INPP5A: variants seen among roughly 807,000 people sequenced by gnomAD.
The protein encoded by INPP5A is inositol polyphosphate-5-phosphatase A.
A neutral mutation model predicts 65.2 loss-of-function variants in INPP5A; 14 were observed. That is an observed-to-expected ratio of 0.21 (90% CI 0.14 to 0.34). INPP5A has a LOEUF of 0.34. Ranked by LOEUF, INPP5A falls within the 10% of genes least tolerant of loss-of-function variation. The probability of loss-of-function intolerance (pLI) is 1.00; values close to 1 mark genes in which losing one functional copy is unlikely to be tolerated. For synonymous variants in INPP5A, 207 were observed against 208.3 expected, an observed-to-expected ratio of 0.99 and a Z score of 0.05; for missense variants, 431 against 545.6, an observed-to-expected ratio of 0.79 and a Z score of 2.09.
intron 1 of INPP5A, among the ~76,000 whole-genome samples, chr10:132,571,751 A>G (rs533962411): frequency 8.5e-5 from 13 of 152,280 alleles, no homozygotes; most frequent in Non-Finnish European, 1.2e-4. Flanking sequence ...TATCATCTCC[A>G]CAGCCCTGAT....
At chr10:132,756,300 G>A (rs1846612646) in intron 11 of INPP5A, among the ~76,000 whole-genome samples, 2 of 152,126 alleles carry the variant, frequency 1.3e-5, no homozygotes, top group South Asian at 4.1e-4. Flanking sequence ...GCACTAGTGT[G>A]TGTGGTGTAT....
At position 132,650,295 on chromosome 10, in the gene INPP5A, C is replaced by G. The variant is rs559284234; in HGVS notation, c.219-123C>G. 1.6e-5 allele frequency: 11 copies of G among 688,908 alleles called. No individual in the cohort carries two copies. Among genetic ancestry groups the G allele is most frequent in the Non-Finnish European group, 7.9e-6 (3 of 379,934 alleles). 42.7% of individuals were successfully genotyped at this position (688,908 alleles called of 1,614,324 possible). On this transcript the variant is annotated intron_variant, in intron 3 of 15. Transcript: ENST00000368594. This position sits in a 1 kb window ranked among gnomAD's most constrained non-coding sequence, Gnocchi z 5.5. Reference sequence around the variant, plus strand: ...GCCATTCCCTGCCCTCTGCCTGTCACGGGTGGATGGTCTCACGGTGATGTA... The same window carrying G: ...GCCATTCCCTGCCCTCTGCCTGTCAGGGGTGGATGGTCTCACGGTGATGTA...
chr10:132,700,837 C>T (rs1029498305), intron 6 of INPP5A, among the ~76,000 whole-genome samples: 3 of 152,240 alleles, frequency 2.0e-5, no homozygotes, highest in African/African-American at 7.2e-5. Flanking sequence ...ACTAACAAAA[C>T]TTTCTCTGCT....
chr10:132,745,588 G>GGGTGGCACTGGCCCCAGCCCGGGCCTCA (rs1357376504), intron 9 of INPP5A, among the ~76,000 whole-genome samples: 9 of 152,212 alleles, frequency 5.9e-5, no homozygotes, highest in Non-Finnish European at 1.3e-4. Context: ...CCCGGGCCTC[G>GGGTGGCACTGGCCCCAGCCCGGGCCTCA]GGTGTGGTGG....
At chr10:132,664,478 C>A (rs1420367408) in intron 4 of INPP5A, among the ~76,000 whole-genome samples, 1 of 152,246 alleles carries the variant, frequency 6.6e-6, no homozygotes, top group Non-Finnish European at 1.5e-5. Flanking sequence ...GGCTTCACTA[C>A]CTGATGTCCC....
chr10:132,678,184 G>A lies in INPP5A; in HGVS notation c.307-12208G>A, dbSNP rs1368678317. Among the ~76,000 whole-genome samples the A allele has an allele frequency of 2.0e-5, 3 of 152,156 alleles. No individual in the cohort carries two copies. The highest frequency in any genetic ancestry group is 2.1e-4 in the South Asian group (1 of 4,822). On this transcript the variant is annotated intron_variant, in intron 4 of 15. Transcript: ENST00000368594. The surrounding 1 kb of genome is among the most constrained non-coding windows in gnomAD (Gnocchi z 4.1). Reference sequence around the variant, plus strand: ...TCACGGAGCTCCTCTGAGAGCGGACGGTCACAGCCCCCCGTATGCTGCCTG... The same window carrying A: ...TCACGGAGCTCCTCTGAGAGCGGACAGTCACAGCCCCCCGTATGCTGCCTG...
chr10:132,767,676 G>A (rs1360612302), intron 12 of INPP5A, among the ~76,000 whole-genome samples: 1 of 152,180 alleles, frequency 6.6e-6, no homozygotes, highest in East Asian at 1.9e-4. Context: ...GGCCCCCAGA[G>A]AGCCCCTCGC....
At chr10:132,708,624 G>A (rs964149705) in intron 7 of INPP5A, 45 of 576,750 alleles carry the variant, frequency 7.8e-5, no homozygotes, top group Non-Finnish European at 1.1e-4. Context: ...GTCCCTCCCC[G>A]CAGCTGGAGA....
At chr10:132,739,167 G>A (rs1394191918) in intron 9 of INPP5A, among the ~76,000 whole-genome samples, 4 of 152,278 alleles carry the variant, frequency 2.6e-5, no homozygotes, top group East Asian at 1.9e-4. Context: ...CTCTGTGTTC[G>A]GTGCCCACTC....
intron 8 of INPP5A, among the ~76,000 whole-genome samples, chr10:132,719,337 T>C: frequency 6.7e-6 from 1 of 150,266 alleles, no homozygotes. Flanking sequence ...CAGGGTTCTG[T>C]GGTACCTGGG....
At chr10:132,739,291 T>G (rs1846232276) in intron 9 of INPP5A, among the ~76,000 whole-genome samples, 1 of 152,246 alleles carries the variant, frequency 6.6e-6, no homozygotes, top group Non-Finnish European at 1.5e-5. Context: ...CCTTGGTGCC[T>G]GCCACCCTGG....
In INPP5A at chr10:132,707,515, C is replaced by A. The variant is rs192751985; in HGVS notation, c.475-798C>A. On this transcript the variant is annotated intron_variant, in intron 6 of 15. Coordinates refer to ENST00000368594, the MANE Select transcript of INPP5A (RefSeq NM_005539.5). This position sits in a 1 kb window ranked among gnomAD's most constrained non-coding sequence, Gnocchi z 5.5. ...ATAAAATGGAATCTAAAATTCAGTT[C>A]TTCAGTCATACACTTTGCACGCTCG... 3.3e-3 allele frequency among the ~76,000 whole-genome samples: 505 copies of A among 152,316 alleles called. 2 individuals carry two copies. The highest frequency in any genetic ancestry group is 0.011 in the African/African-American group (476 of 41,562).
intron 12 of INPP5A, among the ~76,000 whole-genome samples, chr10:132,767,673 A>G (rs1003095016): frequency 6.6e-6 from 1 of 152,152 alleles, no homozygotes; most frequent in Non-Finnish European, 1.5e-5. Flanking sequence ...ACGGGCCCCC[A>G]GAGAGCCCCT....
intron 2 of INPP5A, among the ~76,000 whole-genome samples, chr10:132,608,996 C>CATGT (rs1316956636): frequency 1.3e-5 from 2 of 152,188 alleles, no homozygotes; most frequent in Non-Finnish European, 2.9e-5. Flanking sequence ...CCAGTGCTCC[C>CATGT]ATGTGGTGAG....
chr10:132,634,162 A>G (rs1041804876), intron 2 of INPP5A, among the ~76,000 whole-genome samples: 19 of 152,380 alleles, frequency 1.2e-4, no homozygotes, highest in East Asian at 1.2e-3. Flanking sequence ...ATGTGTTACA[A>G]TTAATTGATG....
Position 132,711,625 on chromosome 10 carries a change from C to T in INPP5A, c.647+1169C>T, listed in dbSNP as rs959199384. The stretch of plus-strand genomic sequence containing the variant: ...ATGCGGAGTTACACTCCCGACTAAG[C>T]GTGCGAGGGCCTGGAGCTGCCCTGC... On this transcript the variant is annotated intron_variant, in intron 8 of 15. Transcript: ENST00000368594. Among the ~76,000 whole-genome samples, 6 of 152,222 alleles carry T rather than the reference C, an allele frequency of 3.9e-5. No individual in the cohort carries two copies. The South Asian group carries it at 8.3e-4, about 21-fold the overall frequency.
intron 8 of INPP5A, among the ~76,000 whole-genome samples, chr10:132,725,450 C>G (rs1021559394): frequency 6.6e-6 from 1 of 152,200 alleles, no homozygotes; most frequent in African/African-American, 2.4e-5. Context: ...GGCGGGGCAA[C>G]GCAGAACAAG....
chr10:132,673,892 C>G (rs2072927668), intron 4 of INPP5A, among the ~76,000 whole-genome samples: 1 of 152,244 alleles, frequency 6.6e-6, no homozygotes, highest in African/African-American at 2.4e-5. Flanking sequence ...TTGGTCTCTG[C>G]TGCTGGCAAA....
rs2134520660 is a variant in INPP5A, at chr10:132,706,710, C to T, written c.475-1603C>T. Among the ~76,000 whole-genome samples the T allele has an allele frequency of 6.6e-6, 1 of 152,312 alleles. No individual in the cohort carries two copies. The highest frequency in any genetic ancestry group is 2.1e-4 in the South Asian group (1 of 4,818). The stretch of plus-strand genomic sequence containing the variant: ...GGTGGGGGCAGGCAAAGAAGGGCCT[C>T]ATGCCTGGGAATCCACAGCCCTAGA... On this transcript the variant is annotated intron_variant, in intron 6 of 15. Transcript: ENST00000368594. This position sits in a 1 kb window ranked among gnomAD's most constrained non-coding sequence, Gnocchi z 4.7.
Sources: allele counts gnomAD v4.1 joint callset (sites outside exome capture counted in the v4.1 genomes callset), GRCh38; gene constraint gnomAD v4.1.1; non-coding constraint Gnocchi (gnomAD v3.1); transcripts MANE v1.5; gene names NCBI Gene and HGNC (gene_info 2026-07-23, HGNC 2026-07-21).